Variants in RASSF3 observed in about 807,000 individuals in gnomAD.
RASSF3 encodes ras association domain-containing protein 3.
Under a neutral mutation model 19.9 loss-of-function variants are expected in RASSF3, and 19 were observed. That is an observed-to-expected ratio of 0.96 (90% confidence interval 0.67 to 1.40). The LOEUF (loss-of-function observed/expected upper bound fraction) is 1.40. Among genes scored for constraint, RASSF3 ranks in the 40% most tolerant of loss-of-function variants. The pLI, the probability that RASSF3 is intolerant of heterozygous loss-of-function variation, is 0.00. For missense variants in RASSF3, 306 were observed against 289.8 expected, an observed-to-expected ratio of 1.06 and a Z score of -0.41; for synonymous variants, 110 against 104.2, an observed-to-expected ratio of 1.06 and a Z score of -0.34.
intron 2 of RASSF3, among the ~76,000 whole-genome samples, chr12:64,550,318 G>A (rs1869136756): frequency 6.6e-6 from 1 of 151,976 alleles, no homozygotes; most frequent in Admixed American, 6.6e-5. Flanking sequence ...GAGAGAAGAG[G>A]GGAGAGGAGG....
At chr12:64,634,967 CTTTT>C (rs139897110) in intron 1 of RASSF3, among the ~76,000 whole-genome samples, 5 of 128,124 alleles carry the variant, frequency 3.9e-5, no homozygotes, top group Non-Finnish European at 8.3e-5. Flanking sequence ...CTTTTCTTTT[CTTTT>C]TTTTTTTTTT....
At chr12:64,670,299 G>A (rs1177603924) in intron 1 of RASSF3, among the ~76,000 whole-genome samples, 2 of 151,070 alleles carry the variant, frequency 1.3e-5, no homozygotes, top group South Asian at 2.1e-4. Context: ...GAATTGCATT[G>A]TGTTTATTTT....
intron 1 of RASSF3, among the ~76,000 whole-genome samples, chr12:64,510,836 A>G (rs1352970445): frequency 6.6e-6 from 1 of 152,202 alleles, no homozygotes; most frequent in Non-Finnish European, 1.5e-5. Context: ...TATATAAAAA[A>G]CAGAGCTCAA....
At chr12:64,613,341 A>G (rs1870437253) in intron 1 of RASSF3, among the ~76,000 whole-genome samples, 1 of 150,606 alleles carries the variant, frequency 6.6e-6, no homozygotes, top group African/African-American at 2.5e-5. Flanking sequence ...TATTAGAGAT[A>G]CAGTGATTTT....
At chr12:64,584,409 A>C (rs1592408383) in intron 2 of RASSF3, among the ~76,000 whole-genome samples, 1 of 144,330 alleles carries the variant, frequency 6.9e-6, no homozygotes, top group Non-Finnish European at 1.5e-5. Flanking sequence ...ATCTCCTATC[A>C]CCCTTGTTTT....
intron 2 of RASSF3, among the ~76,000 whole-genome samples, chr12:64,585,033 A>G (rs1795611): frequency 1 from 151,029 of 151,596 alleles, 75,235 homozygotes; most frequent in Middle Eastern, 1. Context: ...CTACAGGCGC[A>G]TGCCACCATG....
At chr12:64,566,881 G>C (rs998817049) in intron 2 of RASSF3, among the ~76,000 whole-genome samples, 1 of 152,206 alleles carries the variant, frequency 6.6e-6, no homozygotes, top group African/African-American at 2.4e-5. Context: ...TGTTTTTGTT[G>C]TTGCCAGGTG....
intron 2 of RASSF3, among the ~76,000 whole-genome samples, chr12:64,601,837 G>C (rs1294401738): frequency 1.3e-5 from 2 of 151,558 alleles, no homozygotes; most frequent in Non-Finnish European, 2.9e-5. Flanking sequence ...GAAATATAAG[G>C]CCGGGTGCAG....
chr12:64,655,310 C>T (rs1203195821), intron 1 of RASSF3, among the ~76,000 whole-genome samples: 2 of 152,106 alleles, frequency 1.3e-5, no homozygotes, highest in Non-Finnish European at 2.9e-5. Flanking sequence ...ATACACATAA[C>T]GAAGTGTTGT....
At chr12:64,674,279 A>C (rs1872800849) in intron 1 of RASSF3, among the ~76,000 whole-genome samples, 1 of 152,240 alleles carries the variant, frequency 6.6e-6, no homozygotes, top group Non-Finnish European at 1.5e-5. Flanking sequence ...CCAATTGATA[A>C]GATGTACAAA....
chr12:64,539,138 T>C (rs1868890679), intron 1 of RASSF3, among the ~76,000 whole-genome samples: 2 of 152,200 alleles, frequency 1.3e-5, no homozygotes, highest in African/African-American at 4.8e-5. Flanking sequence ...AAGGAATTTA[T>C]TTCTTACAGT....
intron 1 of RASSF3, among the ~76,000 whole-genome samples, chr12:64,520,555 C>CATACATATATATAT (rs1868455034): frequency 2.3e-5 from 2 of 86,346 alleles, no homozygotes; most frequent in African/African-American, 7.4e-5. Flanking sequence ...CACATACACA[C>CATACATATATATAT]ATATATATAT....
chr12:64,523,781 C>T (rs1458250173), intron 1 of RASSF3, among the ~76,000 whole-genome samples: 1 of 151,536 alleles, frequency 6.6e-6, no homozygotes, highest in African/African-American at 2.4e-5. Flanking sequence ...GATCACAGTG[C>T]CTTGCGGCCT....
intron 2 of RASSF3, among the ~76,000 whole-genome samples, chr12:64,600,937 C>A (rs1425798324): frequency 6.6e-6 from 1 of 152,132 alleles, no homozygotes; most frequent in Non-Finnish European, 1.5e-5. Flanking sequence ...GTCATTGTAA[C>A]CTTCCATAGT....
chr12:64,658,795 A>T (rs1037251890), intron 1 of RASSF3, among the ~76,000 whole-genome samples: 5 of 152,218 alleles, frequency 3.3e-5, no homozygotes, highest in African/African-American at 1.2e-4. Context: ...TATGCTGGGC[A>T]TGATGGCTCA....
At chr12:64,571,171 A>C (rs1333270221) in intron 2 of RASSF3, among the ~76,000 whole-genome samples, 2 of 152,130 alleles carry the variant, frequency 1.3e-5, no homozygotes, top group Non-Finnish European at 1.5e-5. Context: ...AGATCGCGCC[A>C]TTACACTCCA....
chr12:64,678,546 C>G (rs1872989838), intron 1 of RASSF3, among the ~76,000 whole-genome samples: 1 of 151,320 alleles, frequency 6.6e-6, no homozygotes, highest in African/African-American at 2.4e-5. Flanking sequence ...ATATATTGTC[C>G]CCCACTCAAT....
downstream of RASSF3, among the ~76,000 whole-genome samples, chr12:64,543,416 C>CCCGCG (rs1346291399): frequency 1.0e-5 from 1 of 95,996 alleles, no homozygotes; most frequent in Non-Finnish European, 2.2e-5. Flanking sequence ...AGTTTCCCGC[C>CCCGCG]CCCCGGCTCC....
upstream of RASSF3, among the ~76,000 whole-genome samples, chr12:64,529,293 T>G (rs1868655973): frequency 1.3e-5 from 2 of 152,222 alleles, no homozygotes; most frequent in South Asian, 4.1e-4. Context: ...AGCTAATTAT[T>G]ACTGTTTTTT....
Sources: gnomAD v4.1 joint callset for allele counts (sites outside exome capture counted in the v4.1 genomes callset) on GRCh38, gnomAD v4.1.1 for gene constraint, MANE v1.5 for transcripts, NCBI Gene and HGNC (gene_info 2026-07-23, HGNC 2026-07-21) for gene names.